Variants in STIMATE observed in about 807,000 individuals in gnomAD.
STIMATE encodes the protein store-operated calcium entry regulator STIMATE.
Under a neutral mutation model 36.7 loss-of-function variants are expected in STIMATE, and 15 were observed. The ratio of observed to expected loss-of-function variants is 0.41; its 90% confidence interval spans 0.27 to 0.63. STIMATE has a LOEUF of 0.63. STIMATE is among the 20% of genes least tolerant of loss of function. The pLI is 0.32. For missense variants in STIMATE, 305 were observed against 397.3 expected, an observed-to-expected ratio of 0.77 and a Z score of 1.98; for synonymous variants, 163 against 162.3, an observed-to-expected ratio of 1.00 and a Z score of -0.03.
intron 1 of STIMATE, among the ~76,000 whole-genome samples, chr3:52,892,875 T>C (rs919531599): frequency 6.6e-6 from 1 of 152,134 alleles, no homozygotes; most frequent in East Asian, 1.9e-4. Flanking sequence ...TTATGGCGTG[T>C]TCTTGCCATA....
At chr3:52,867,935 C>T (rs991274177) in intron 1 of STIMATE, among the ~76,000 whole-genome samples, 1 of 152,204 alleles carries the variant, frequency 6.6e-6, no homozygotes, top group Non-Finnish European at 1.5e-5. Context: ...TCAAGCCATG[C>T]CTGGCTGGTC....
chr3:52,860,948 C>T (rs1452798639), intron 1 of STIMATE, among the ~76,000 whole-genome samples: 2 of 152,160 alleles, frequency 1.3e-5, no homozygotes, highest in African/African-American at 4.8e-5. Context: ...TTGTGCCCTG[C>T]GTGGGCCTGG....
chr3:52,895,622 T>A (rs1342911621), intron 1 of STIMATE, among the ~76,000 whole-genome samples: 2 of 152,198 alleles, frequency 1.3e-5, no homozygotes, highest in African/African-American at 4.8e-5. Flanking sequence ...TCAGAACACA[T>A]TCAACCCGAT....
chr3:52,890,776 G>A (rs1701770530), intron 1 of STIMATE, among the ~76,000 whole-genome samples: 1 of 152,224 alleles, frequency 6.6e-6, no homozygotes, highest in Non-Finnish European at 1.5e-5. Context: ...AATGAACTCT[G>A]TGAAACTCAG....
rs376628570 is a variant in STIMATE, at chr3:52,849,932, T to C, written c.306-19A>G. On this transcript the variant is annotated intron_variant, in intron 3 of 7. Transcript: ENST00000355083. The stretch of plus-strand genomic sequence containing the variant: ...GAGGTACCTGTGAGGACAGGGCACA[T>C]GCATGGTCACGGCAGAAGCCACGGG... 7 of 1,609,630 alleles carry C rather than the reference T, an allele frequency of 4.3e-6. No individual in the cohort carries two copies. The South Asian group carries it at 6.6e-5, about 15-fold the overall frequency.
chr3:52,861,880 A>T (rs1457563088), intron 1 of STIMATE, among the ~76,000 whole-genome samples: 5 of 151,994 alleles, frequency 3.3e-5, no homozygotes, highest in African/African-American at 1.2e-4. Context: ...CCTCCCTGCC[A>T]TCCTCTCAAT....
Position 52,838,591 on chromosome 3 carries a change from G to C in STIMATE, c.*1903C>G, listed in dbSNP as rs1489171080. On this transcript the variant is annotated 3_prime_UTR_variant, in exon 8 of 8. Coordinates refer to ENST00000355083, the MANE Select transcript of STIMATE (RefSeq NM_198563.5). Reference sequence around the variant, plus strand: ...GGCTACCATAGCTGTGGATGGGAGGGAGCACAAAGTCAATCCGAGCAGGAA... The same window carrying C: ...GGCTACCATAGCTGTGGATGGGAGGCAGCACAAAGTCAATCCGAGCAGGAA... 6.6e-6 allele frequency: 1 copy of C among 152,216 alleles called. No homozygotes were observed. The highest frequency in any genetic ancestry group is 1.5e-5 in the Non-Finnish European group (1 of 68,052). 9.4% of individuals were successfully genotyped at this position (152,216 alleles called of 1,614,324 possible). A position where few individuals can be genotyped will look rare whatever the true frequency, so the allele number is the denominator to read the frequency against.
Position 52,887,731 on chromosome 3 carries a change from C to T in STIMATE, c.160+9560G>A, listed in dbSNP as rs117229486. Among the ~76,000 whole-genome samples the T allele has an allele frequency of 6.7e-3, 1,027 of 152,284 alleles. 97 individuals carry two copies. In the South Asian group the frequency reaches 0.19, roughly 28 times the overall value. ...ATCCACACTAGCCTGGCCTGAGGAC[C>T]TCCGTGACTGGGAGAATGAGATTTC... On this transcript the variant is annotated intron_variant, in intron 1 of 7. Transcript: ENST00000355083.
chr3:52,850,733 GT>G (rs11284369), intron 3 of STIMATE, among the ~76,000 whole-genome samples: 37,856 of 151,964 alleles, frequency 0.25, 4,995 homozygotes, highest in Admixed American at 0.38. Flanking sequence ...TTTTTACACT[GT>G]TTTTTTCTTT....
At chr3:52,847,570 T>C (rs1369795151) in intron 4 of STIMATE, 2 of 1,288,830 alleles carry the variant, frequency 1.6e-6, no homozygotes, top group Admixed American at 2.3e-5. Context: ...AAAAGACACA[T>C]CCTAGAAAAA....
intron 1 of STIMATE, among the ~76,000 whole-genome samples, chr3:52,864,320 G>C (rs1211888286): frequency 6.6e-6 from 1 of 152,206 alleles, no homozygotes; most frequent in Non-Finnish European, 1.5e-5. Flanking sequence ...CCACAGTTTG[G>C]AGCCTGCACC....
At chr3:52,874,424 T>C (rs1701464261) in intron 1 of STIMATE, among the ~76,000 whole-genome samples, 1 of 152,148 alleles carries the variant, frequency 6.6e-6, no homozygotes, top group Admixed American at 6.5e-5. Context: ...ACACAGAAAT[T>C]CAGAGGCATA....
chr3:52,873,701 GC>G (rs560572169), intron 1 of STIMATE, among the ~76,000 whole-genome samples: 13 of 152,150 alleles, frequency 8.5e-5, no homozygotes, highest in Non-Finnish European at 1.5e-4. Context: ...GCCAAGAGGC[GC>G]TGGGGACCTG....
intron 3 of STIMATE, among the ~76,000 whole-genome samples, chr3:52,851,159 A>T (rs1317725991): frequency 6.6e-6 from 1 of 152,130 alleles, no homozygotes; most frequent in East Asian, 1.9e-4. Context: ...CCGACACAAA[A>T]TTTTTTCTCT....
Position 52,849,779 on chromosome 3 carries a change from C to T in STIMATE, c.427+13G>A. On this transcript the variant is annotated intron_variant, in intron 4 of 7. Transcript: ENST00000355083. ...GTTCCCTCACGCCCTGTCCGGCATCCACAGCATATTACCATATTCGCCGAA... is the reference window on the plus strand; with the variant it reads ...GTTCCCTCACGCCCTGTCCGGCATCTACAGCATATTACCATATTCGCCGAA... 1.2e-6 allele frequency: 2 copies of T among 1,610,584 alleles called. No individual in the cohort carries two copies. Among genetic ancestry groups the T allele is most frequent in the Non-Finnish European group, 8.5e-7 (1 of 1,179,306 alleles).
At chr3:52,870,931 T>G (rs1701393278) in intron 1 of STIMATE, among the ~76,000 whole-genome samples, 1 of 151,924 alleles carries the variant, frequency 6.6e-6, no homozygotes, top group African/African-American at 2.4e-5. Context: ...CTGAGGAGCC[T>G]CCAGCACCTT....
At chr3:52,888,564 C>A (rs963440807) in intron 1 of STIMATE, among the ~76,000 whole-genome samples, 21 of 152,196 alleles carry the variant, frequency 1.4e-4, no homozygotes, top group African/African-American at 4.8e-4. Flanking sequence ...GTGTCTTATG[C>A]TCACGTCATT....
At chr3:52,875,010 G>GA (rs1701476279) in intron 1 of STIMATE, among the ~76,000 whole-genome samples, 1 of 152,168 alleles carries the variant, frequency 6.6e-6, no homozygotes, top group Non-Finnish European at 1.5e-5. Context: ...CAGAACTCAC[G>GA]AGAGACGGAA....
At chr3:52,873,470 T>C (rs1701443144) in intron 1 of STIMATE, among the ~76,000 whole-genome samples, 1 of 152,176 alleles carries the variant, frequency 6.6e-6, no homozygotes, top group South Asian at 2.1e-4. Flanking sequence ...GTACAACCAC[T>C]TGGTAAGTGT....
Sources: allele counts gnomAD v4.1 joint callset (sites outside exome capture counted in the v4.1 genomes callset), GRCh38; gene constraint gnomAD v4.1.1; transcripts MANE v1.5; gene names NCBI Gene and HGNC (gene_info 2026-07-23, HGNC 2026-07-21).